Variants in PALLD observed in about 807,000 individuals in gnomAD.
PALLD encodes palladin.
Under a neutral mutation model 123.5 loss-of-function variants are expected in PALLD, and 61 were observed. That is an observed-to-expected ratio of 0.49 (90% CI 0.40 to 0.61). PALLD has a LOEUF of 0.61. Ranked by LOEUF, PALLD falls within the 20% of genes least tolerant of loss-of-function variation. The pLI is 0.00. For synonymous variants in PALLD, 465 were observed against 496.4 expected, an observed-to-expected ratio of 0.94 and a Z score of 0.84; for missense variants, 1,273 against 1,377.0, an observed-to-expected ratio of 0.92 and a Z score of 1.20.
At chr4:168,615,470 A>G (rs1774137541) in intron 2 of PALLD, among the ~76,000 whole-genome samples, 1 of 152,250 alleles carries the variant, frequency 6.6e-6, no homozygotes, top group South Asian at 2.1e-4. Flanking sequence ...ATCTGGCCCG[A>G]GTCCATTTAG....
At chr4:168,509,202 T>C (rs1303740698) in intron 1 of PALLD, among the ~76,000 whole-genome samples, 1 of 152,236 alleles carries the variant, frequency 6.6e-6, no homozygotes, top group Non-Finnish European at 1.5e-5. Context: ...GTAGAAATGC[T>C]ATAGTTTTCC....
chr4:168,679,556 GGT>G (rs367612871), intron 3 of PALLD, among the ~76,000 whole-genome samples: 26 of 149,892 alleles, frequency 1.7e-4, no homozygotes, highest in African/African-American at 6.1e-4. Flanking sequence ...TGTGTGGTGG[GGT>G]GTGTGTGTGT....
intron 10 of PALLD, among the ~76,000 whole-genome samples, chr4:168,816,612 C>T (rs1355193465): frequency 6.6e-6 from 1 of 151,834 alleles, no homozygotes; most frequent in African/African-American, 2.4e-5. Flanking sequence ...AATACATACC[C>T]TGCCATAGGA....
At chr4:168,629,735 C>T (rs1036186254) in intron 2 of PALLD, among the ~76,000 whole-genome samples, 14 of 152,108 alleles carry the variant, frequency 9.2e-5, no homozygotes, top group Admixed American at 9.2e-4. Flanking sequence ...GGATAGTTCT[C>T]ATTTGGAGCA....
intron 2 of PALLD, among the ~76,000 whole-genome samples, chr4:168,550,830 A>G (rs917370792): frequency 6.6e-6 from 1 of 152,212 alleles, no homozygotes; most frequent in African/African-American, 2.4e-5. Context: ...CTCTGCCCCC[A>G]ATCCATGTTC....
chr4:168,913,324 A>C (rs1401663385), intron 15 of PALLD, among the ~76,000 whole-genome samples: 1 of 151,906 alleles, frequency 6.6e-6, no homozygotes, highest in Non-Finnish European at 1.5e-5. Context: ...TTTTTAGTAG[A>C]GACGGGGTTT....
intron 10 of PALLD, among the ~76,000 whole-genome samples, chr4:168,882,794 G>T (rs779509180): frequency 3.3e-5 from 5 of 152,142 alleles, no homozygotes; most frequent in Non-Finnish European, 7.4e-5. Context: ...CCCTGGGGCA[G>T]CTCAAAATCA....
chr4:168,668,545 C>A (rs1580851056), intron 3 of PALLD, among the ~76,000 whole-genome samples, 177 bp downstream of exon 3: 2 of 152,206 alleles, frequency 1.3e-5, no homozygotes, highest in South Asian at 4.1e-4. Flanking sequence ...AGGCACCCAT[C>A]AACTATCTCT....
At position 168,867,588 on chromosome 4, in the gene PALLD, T is replaced by C. The variant is rs79511983; in HGVS notation, c.1965-23334T>C. Among the ~76,000 whole-genome samples, 369 of 152,330 alleles carry C rather than the reference T, an allele frequency of 2.4e-3. 1 individual carries two copies. Among genetic ancestry groups the C allele is most frequent in the African/African-American group, 8.7e-3 (361 of 41,582 alleles). On this transcript the variant is annotated intron_variant, in intron 10 of 21. Coordinates refer to ENST00000505667, the MANE Select transcript of PALLD (RefSeq NM_001166108.2). ...CCCCTCCACCTCATTCTAGTCTTACTTTCCAGAGGTGAACACTTTAGACTA... is the reference window on the plus strand; with the variant it reads ...CCCCTCCACCTCATTCTAGTCTTACCTTCCAGAGGTGAACACTTTAGACTA...
In PALLD at chr4:168,511,461, T is replaced by C. The variant is rs764254035; in HGVS notation, c.-44T>C. On this transcript the variant is annotated 5_prime_UTR_variant, in exon 2 of 22. Coordinates refer to ENST00000505667, the MANE Select transcript of PALLD (RefSeq NM_001166108.2). ...AAAACAGTTTCCAGTGCCTCTGGCC[T>C]TCCTACTGAAAGCAGACACAGAGTG... 1 of 1,481,598 alleles carries C rather than the reference T, an allele frequency of 6.7e-7. No individual in the cohort carries two copies. Among genetic ancestry groups the C allele is most frequent in the Admixed American group, 1.7e-5 (1 of 59,832 alleles). The allele number at this position is 1,481,598 out of a possible 1,614,324, so 91.8% of individuals were successfully genotyped here.
At chr4:168,639,121 T>A (rs934614422) in intron 2 of PALLD, among the ~76,000 whole-genome samples, 12 of 152,334 alleles carry the variant, frequency 7.9e-5, no homozygotes, top group Admixed American at 7.8e-4. Context: ...TTACTGTGTT[T>A]CCTTTCACTG....
chr4:168,745,622 C>A (rs2150363146), intron 10 of PALLD, among the ~76,000 whole-genome samples: 1 of 152,156 alleles, frequency 6.6e-6, no homozygotes, highest in East Asian at 1.9e-4. Context: ...ATGGTATTTT[C>A]ATTTTACAAC....
intron 10 of PALLD, among the ~76,000 whole-genome samples, chr4:168,726,007 G>A (rs1440628304): frequency 1.3e-5 from 2 of 152,100 alleles, no homozygotes; most frequent in Admixed American, 6.6e-5. Context: ...ACTCAAATGT[G>A]AAATATTCAT....
At chr4:168,608,068 T>C (rs948073108) in intron 2 of PALLD, among the ~76,000 whole-genome samples, 6 of 152,220 alleles carry the variant, frequency 3.9e-5, no homozygotes, top group Admixed American at 3.3e-4. Flanking sequence ...AGGTCCCGTT[T>C]TTACAATTCC....
In PALLD at chr4:168,851,556, C is replaced by T. The variant is rs192469176; in HGVS notation, c.1965-39366C>T. Among the ~76,000 whole-genome samples the T allele has an allele frequency of 1.4e-4, 22 of 152,094 alleles. No homozygotes were observed. The East Asian group carries it at 3.7e-3, about 25-fold the overall frequency. On this transcript the variant is annotated intron_variant, in intron 10 of 21. Coordinates refer to ENST00000505667, the MANE Select transcript of PALLD (RefSeq NM_001166108.2). ...CTAATTTTTGTATTTTTAATAGAGA[C>T]GGGGTTTCACCATGCTGGCCAGGCT...
intron 10 of PALLD, among the ~76,000 whole-genome samples, chr4:168,786,851 G>T (rs532759319): frequency 6.6e-6 from 1 of 152,272 alleles, no homozygotes; most frequent in East Asian, 1.9e-4. Flanking sequence ...TACAAAATTT[G>T]AGAACAACTT....
chr4:168,812,149 C>T (rs559858135), intron 10 of PALLD, among the ~76,000 whole-genome samples: 13 of 152,226 alleles, frequency 8.5e-5, no homozygotes, highest in Middle Eastern at 3.4e-3. Flanking sequence ...CTTTATAAAA[C>T]TCTCCTTATT....
intron 2 of PALLD, among the ~76,000 whole-genome samples, chr4:168,557,469 A>T (rs1320182896): frequency 6.6e-6 from 1 of 152,196 alleles, no homozygotes; most frequent in Non-Finnish European, 1.5e-5. Flanking sequence ...TTCTCTCTGT[A>T]AGCATTAACT....
At chr4:168,610,297 T>A (rs1773605524) in intron 2 of PALLD, among the ~76,000 whole-genome samples, 3 of 152,146 alleles carry the variant, frequency 2.0e-5, no homozygotes, top group Admixed American at 2.0e-4. Context: ...ATTAAGTATC[T>A]CTGGAGTGAG....
Sources: allele counts gnomAD v4.1 joint callset (sites outside exome capture counted in the v4.1 genomes callset), GRCh38; gene constraint gnomAD v4.1.1; transcripts MANE v1.5; gene names NCBI Gene and HGNC (gene_info 2026-07-23, HGNC 2026-07-21).